Variants in RGPD1 observed in about 807,000 individuals in gnomAD.
The protein encoded by RGPD1 is RANBP2 like and GRIP domain containing 1.
RGPD1 carries 7 observed loss-of-function variants against 40.6 expected under a neutral mutation model. The observed-to-expected ratio is 0.17, with a 90% CI of 0.10 to 0.32. The LOEUF (loss-of-function observed/expected upper bound fraction) is 0.32, where lower values mean the gene tolerates loss of function less well. Ranked by LOEUF, RGPD1 falls within the 10% of genes least tolerant of loss-of-function variation. The pLI, the probability that RGPD1 is intolerant of heterozygous loss-of-function variation, is 1.00. For synonymous variants in RGPD1, 24 were observed against 167.0 expected (o/e 0.14, Z 6.60); for missense variants, 50 against 472.5 (o/e 0.11, Z 8.29).
chr2:86,932,022 GATA>G (rs760780034), intron 1 of RGPD1, among the ~76,000 whole-genome samples: 31 of 147,914 alleles, frequency 2.1e-4, no homozygotes, highest in East Asian at 9.7e-4. Flanking sequence ...AGACAGAGAA[GATA>G]ATAATATATT....
chr2:86,914,082 G>C (rs1431386977), intron 1 of RGPD1, among the ~76,000 whole-genome samples: 1 of 34,614 alleles, frequency 2.9e-5, no homozygotes, highest in African/African-American at 1.3e-4. Flanking sequence ...CGGCCTGGCC[G>C]GGCGGCGGCG....
chr2:86,960,188 G>A, intron 6 of RGPD1, among the ~76,000 whole-genome samples: 1 of 101,532 alleles, frequency 9.8e-6, no homozygotes, highest in Non-Finnish European at 1.9e-5. Context: ...AGGACCCTGA[G>A]GAAGATAAAA....
chr2:86,913,802 G>A (rs773850337), upstream of RGPD1: 1 of 1,509,828 alleles, frequency 6.6e-7, no homozygotes, highest in South Asian at 1.2e-5. Context: ...GACTGCTGCG[G>A]GGCTGAGCGC....
At chr2:86,942,973 G>A (rs987045336) in intron 1 of RGPD1, among the ~76,000 whole-genome samples, 79 of 152,090 alleles carry the variant, frequency 5.2e-4, no homozygotes, top group Admixed American at 9.2e-4. Context: ...GCGCGGCCTA[G>A]TTCTCGGGGG....
chr2:86,922,971 CT>C (rs1209552195), intron 1 of RGPD1, among the ~76,000 whole-genome samples: 2 of 107,500 alleles, frequency 1.9e-5, no homozygotes, highest in African/African-American at 3.5e-5. Flanking sequence ...CAGCATTTAC[CT>C]TTTTTATGCA....
intron 1 of RGPD1, among the ~76,000 whole-genome samples, chr2:86,931,751 G>A (rs1364761731): frequency 4.0e-5 from 6 of 150,654 alleles, no homozygotes; most frequent in Non-Finnish European, 3.0e-5. Flanking sequence ...AACATTAAAA[G>A]TAAACATAAA....
At position 86,947,613 on chromosome 2, in the gene RGPD1, A is replaced by G. The variant is rs1450211687; in HGVS notation, c.73-3683A>G. 7.6e-5 allele frequency among the ~76,000 whole-genome samples: 7 copies of G among 92,628 alleles called. 1 individual carries two copies. Among genetic ancestry groups the G allele is most frequent in the African/African-American group, 2.9e-4 (7 of 24,512 alleles). 60.8% of individuals were successfully genotyped at this position (92,628 alleles called of 152,430 possible). A position where few individuals can be genotyped will look rare whatever the true frequency, so the allele number is the denominator to read the frequency against. ...TGTATTATTTCTTTGACCATTTCTT[A>G]CCCTTTTTTTAATGATGTTTACCTG... On this transcript the variant is annotated intron_variant, in intron 1 of 22. Coordinates refer to ENST00000641458, the MANE Select transcript of RGPD1 (RefSeq NM_001382344.1).
intron 1 of RGPD1, among the ~76,000 whole-genome samples, chr2:86,944,409 TA>T (rs1469472901): frequency 1.4e-3 from 217 of 152,092 alleles, no homozygotes; most frequent in South Asian, 2.1e-3. Context: ...ATTTTTGTGT[TA>T]TTTTTTTTTT....
chr2:87,009,050 A>G lies in RGPD1; in HGVS notation c.5237-3463A>G, dbSNP rs1396162770. 1.3e-5 allele frequency among the ~76,000 whole-genome samples: 2 copies of G among 149,454 alleles called. 1 individual carries two copies. Among genetic ancestry groups the G allele is most frequent in the African/African-American group, 5.0e-5 (2 of 40,074 alleles). Reference sequence around the variant, plus strand: ...GCCAGGCATGGTGGCTTACGCCTATAATGCCAGCAATTTGGGAGGCCGAGG... The same window carrying G: ...GCCAGGCATGGTGGCTTACGCCTATGATGCCAGCAATTTGGGAGGCCGAGG... On this transcript the variant is annotated intron_variant, in intron 22 of 22. Transcript: ENST00000641458.
In RGPD1 at chr2:87,000,602, A is replaced by G. The variant is rs1477104187; in HGVS notation, c.5236+2844A>G. On this transcript the variant is annotated intron_variant, in intron 22 of 22. Transcript: ENST00000641458. ...AGTACATAAAAGAGACCTTATTACA[A>G]TTAAAAACTGATGGTTTAGCAGCAG... Among the ~76,000 whole-genome samples the G allele has an allele frequency of 7.0e-4, 66 of 94,156 alleles. 18 individuals carry two copies. Among genetic ancestry groups the G allele is most frequent in the Non-Finnish European group, 1.2e-3 (54 of 46,724 alleles). 61.8% of individuals were successfully genotyped at this position (94,156 alleles called of 152,430 possible). A position where few individuals can be genotyped will look rare whatever the true frequency, so the allele number is the denominator to read the frequency against.
intron 1 of RGPD1, among the ~76,000 whole-genome samples, chr2:86,918,286 G>A (rs1158327501): frequency 6.0e-5 from 9 of 150,542 alleles, no homozygotes; most frequent in Non-Finnish European, 8.9e-5. Context: ...TACAAAATCA[G>A]CAGAGTGGTG....
intron 1 of RGPD1, among the ~76,000 whole-genome samples, chr2:86,943,352 C>T (rs1294742196): frequency 7.1e-6 from 1 of 140,294 alleles, no homozygotes; most frequent in Non-Finnish European, 1.5e-5. Context: ...TCTTACAAAT[C>T]GTTAGTATGG....
At chr2:87,000,186 T>C (rs1445113724) in intron 22 of RGPD1, among the ~76,000 whole-genome samples, 2 of 129,732 alleles carry the variant, frequency 1.5e-5, no homozygotes, top group Non-Finnish European at 3.1e-5. Context: ...AATCTCAAAA[T>C]TATAACTAAT....
chr2:86,939,234 G>A (rs1334999029), upstream of RGPD1, among the ~76,000 whole-genome samples: 3 of 126,580 alleles, frequency 2.4e-5, no homozygotes, highest in Non-Finnish European at 3.3e-5. Flanking sequence ...GCAGAAATAT[G>A]AACTGCTTAT....
intron 1 of RGPD1, among the ~76,000 whole-genome samples, chr2:86,944,597 G>A (rs571415034): frequency 1.2e-4 from 18 of 152,192 alleles, no homozygotes; most frequent in African/African-American, 4.3e-4. Context: ...ATTTTTGGTA[G>A]AGACTGGGTT....
intron 1 of RGPD1, among the ~76,000 whole-genome samples, chr2:86,925,796 C>G (rs1396390269): frequency 6.6e-6 from 1 of 152,084 alleles, no homozygotes; most frequent in Admixed American, 6.5e-5. Context: ...TCTCGAACTC[C>G]TGGGCTCCAG....
At position 86,942,216 on chromosome 2, in the gene RGPD1, G is replaced by C; in HGVS notation, c.-21G>C. On this transcript the variant is annotated 5_prime_UTR_variant, in exon 1 of 23. Transcript: ENST00000641458. ...GCTGAGCGCTGGTTTCACGCGTCTC[G>C]GGAGCCAGGTTGGCGGTGCGATGAG... The C allele has an allele frequency of 3.1e-6, 5 of 1,597,662 alleles. No individual in the cohort carries two copies. The East Asian group carries it at 6.8e-5, about 22-fold the overall frequency.
chr2:86,932,066 G>C (rs1375202918), intron 1 of RGPD1, among the ~76,000 whole-genome samples: 1 of 145,234 alleles, frequency 6.9e-6, no homozygotes, highest in Non-Finnish European at 1.5e-5. Flanking sequence ...AGACTTGGAA[G>C]GGCAAATAAC....
intron 1 of RGPD1, among the ~76,000 whole-genome samples, chr2:86,928,248 G>A (rs1277042389): frequency 6.6e-6 from 1 of 151,868 alleles, no homozygotes; most frequent in Non-Finnish European, 1.5e-5. Flanking sequence ...TGAGGAAAGA[G>A]CATCCATATA....
Sources: allele counts gnomAD v4.1 joint callset (sites outside exome capture counted in the v4.1 genomes callset), GRCh38; gene constraint gnomAD v4.1.1; transcripts MANE v1.5; gene names NCBI Gene and HGNC (gene_info 2026-07-23, HGNC 2026-07-21).